The following AOPEP variants were observed in gnomAD, a reference collection of about 807,000 sequenced individuals.
AOPEP encodes the protein aminopeptidase O (putative).
In AOPEP, 77 loss-of-function variants were observed where a neutral mutation model predicts 98.1. The ratio of observed to expected loss-of-function variants is 0.78; its 90% CI spans 0.65 to 0.95. The LOEUF (loss-of-function observed/expected upper bound fraction) is 0.95, where lower values mean the gene tolerates loss of function less well. AOPEP is among the 40% of genes least tolerant of loss of function. The pLI is 0.00. For missense variants in AOPEP, 1,024 were observed against 1,024.7 expected, an observed-to-expected ratio of 1.00 and a Z score of 0.01; for synonymous variants, 346 against 365.3, an observed-to-expected ratio of 0.95 and a Z score of 0.60.
chr9:95,110,644 G>A, the AOPEP span: 2 of 1,045,656 alleles, frequency 1.9e-6, no homozygotes, highest in Non-Finnish European at 2.3e-6. Flanking sequence ...ATCTTTATTA[G>A]TCTGTGTGTT....
intron 3 of AOPEP, among the ~76,000 whole-genome samples, chr9:94,790,421 C>A (rs1427787991): frequency 6.6e-6 from 1 of 152,178 alleles, no homozygotes; most frequent in Non-Finnish European, 1.5e-5. Flanking sequence ...CCTGCCTCTG[C>A]CTCCCAAAGT....
intron 5 of AOPEP, among the ~76,000 whole-genome samples, chr9:94,803,320 T>A (rs1372156496): frequency 6.6e-6 from 1 of 152,238 alleles, no homozygotes; most frequent in East Asian, 1.9e-4. Flanking sequence ...GTCTTAATTA[T>A]AATGAATACC....
chr9:94,917,389 T>C (rs944841760), intron 5 of AOPEP, among the ~76,000 whole-genome samples: 1 of 152,200 alleles, frequency 6.6e-6, no homozygotes, highest in African/African-American at 2.4e-5. Context: ...ATGGTGAAGC[T>C]GGCTACAGTG....
chr9:95,004,116 A>G (rs2061743619), intron 11 of AOPEP: 1 of 404,074 alleles, frequency 2.5e-6, no homozygotes, highest in African/African-American at 2.1e-5. Context: ...TTTTCTTTAA[A>G]GAAATGTGAT....
intron 5 of AOPEP, among the ~76,000 whole-genome samples, chr9:94,914,308 A>G (rs2052487654): frequency 6.6e-6 from 1 of 152,246 alleles, no homozygotes; most frequent in Non-Finnish European, 1.5e-5. Context: ...TGGAGAGCCC[A>G]AGCCCTGTCT....
At chr9:94,899,167 C>T (rs1361438983) in intron 5 of AOPEP, among the ~76,000 whole-genome samples, 1 of 143,628 alleles carries the variant, frequency 7.0e-6, no homozygotes, top group Non-Finnish European at 1.5e-5. Context: ...AGATAATTTG[C>T]CTCTTCATTT....
In AOPEP at chr9:94,787,536, A is replaced by G. The variant is rs367571833; in HGVS notation, c.965-5229A>G. ...AAATCAGGTCAAAAATTCAACGCAA[A>G]TGTAGGGAGAAAGCCTGTTGTGCGT... On this transcript the variant is annotated intron_variant, in intron 3 of 16. Coordinates refer to ENST00000375315, the MANE Select transcript of AOPEP (RefSeq NM_001193329.3). 3.3e-5 allele frequency among the ~76,000 whole-genome samples: 5 copies of G among 152,298 alleles called. No homozygotes were observed. In the East Asian group the frequency reaches 9.6e-4, roughly 29 times the overall value.
chr9:95,107,808 ATTTG>A, the AOPEP span, among the ~76,000 whole-genome samples: 1 of 152,142 alleles, frequency 6.6e-6, no homozygotes, highest in Non-Finnish European at 1.5e-5. Flanking sequence ...ACAAGAACAC[ATTTG>A]TTTTAGATGC....
chr9:94,797,892 A>T (rs1847367639), intron 4 of AOPEP, among the ~76,000 whole-genome samples: 1 of 151,822 alleles, frequency 6.6e-6, no homozygotes, highest in Non-Finnish European at 1.5e-5. Context: ...TTTAGTAGAG[A>T]TGGGTTTTAC....
At chr9:94,855,374 G>A (rs1316397907) in intron 5 of AOPEP, among the ~76,000 whole-genome samples, 1 of 152,160 alleles carries the variant, frequency 6.6e-6, no homozygotes, top group African/African-American at 2.4e-5. Flanking sequence ...CATCAGGCCT[G>A]GCCGTGTTTT....
intron 5 of AOPEP, among the ~76,000 whole-genome samples, chr9:94,890,725 C>T (rs1441552410): frequency 6.6e-6 from 1 of 152,106 alleles, no homozygotes; most frequent in Non-Finnish European, 1.5e-5. Context: ...TTGATCCATG[C>T]ATTATTATGT....
chr9:94,863,197 C>T (rs1588602608), intron 5 of AOPEP, among the ~76,000 whole-genome samples: 1 of 151,990 alleles, frequency 6.6e-6, no homozygotes, highest in South Asian at 2.1e-4. Flanking sequence ...CCATCCTAGC[C>T]TATGATTTCT....
rs751990646 is a variant in AOPEP, at chr9:94,979,376, G to C, written c.1926G>C (p.Leu642=). 6.2e-7 allele frequency: 1 copy of C among 1,601,040 alleles called. No individual in the cohort carries two copies. The highest frequency in any genetic ancestry group is 8.5e-7 in the Non-Finnish European group (1 of 1,171,106). ...ENIPEEKRLE[L]SVENIYQDWL... ...TGTTTTATTTCTAAAGGCTTGAGCTGTCTGTTGAAAACATCTACCAAGACT... is the reference window on the plus strand; with the variant it reads ...TGTTTTATTTCTAAAGGCTTGAGCTCTCTGTTGAAAACATCTACCAAGACT... Residue 642 remains leucine, a synonymous_variant, in exon 11 of 17, where the codon CTG becomes CTC. Coordinates refer to ENST00000375315, the MANE Select transcript of AOPEP (RefSeq NM_001193329.3).
At chr9:95,111,242 G>C in the AOPEP span, 3 of 1,538,342 alleles carry the variant, frequency 2.0e-6, no homozygotes, top group Non-Finnish European at 2.6e-6. Context: ...AGGAGAATGG[G>C]CTGGCAGCGT....
intron 1 of AOPEP, among the ~76,000 whole-genome samples, chr9:94,733,529 G>T (rs760040829): frequency 6.6e-6 from 1 of 152,072 alleles, no homozygotes; most frequent in Non-Finnish European, 1.5e-5. Context: ...ATACCCTTAG[G>T]TTCCTTCTGT....
intron 5 of AOPEP, among the ~76,000 whole-genome samples, chr9:94,833,697 A>G (rs1285845270): frequency 6.6e-6 from 1 of 152,206 alleles, no homozygotes; most frequent in Non-Finnish European, 1.5e-5. Context: ...ATGAGTTCAT[A>G]ATAATAAAAA....
At chr9:94,828,187 C>G (rs982415979) in intron 5 of AOPEP, among the ~76,000 whole-genome samples, 1 of 152,154 alleles carries the variant, frequency 6.6e-6, no homozygotes, top group East Asian at 1.9e-4. Context: ...TGATAGTGTC[C>G]TCTGACGCAC....
chr9:94,750,732 TTTTTC>T lies in AOPEP; in HGVS notation c.-135-8898_-135-8894del, dbSNP rs1383406140. On this transcript the variant is annotated intron_variant, in intron 1 of 16. Transcript: ENST00000375315. ...CGAGCTCATCTCCAAGGTCTGATGATTTTTCTTTTCTTTTCTTTTCTTTCTTTTTT... is the reference window on the plus strand; with the variant it reads ...CGAGCTCATCTCCAAGGTCTGATGATTTTTCTTTTCTTTTCTTTCTTTTTT... Among the ~76,000 whole-genome samples the T allele has an allele frequency of 9.2e-5, 14 of 151,794 alleles. 1 individual carries two copies. Among genetic ancestry groups the T allele is most frequent in the East Asian group, 5.8e-4 (3 of 5,154 alleles).
chr9:94,844,802 T>G, intron 5 of AOPEP, among the ~76,000 whole-genome samples: 1 of 152,174 alleles, frequency 6.6e-6, no homozygotes, highest in African/African-American at 2.4e-5. Context: ...CTAGGGTTGC[T>G]GTGAGACTGG....
Sources: gnomAD v4.1 joint callset for allele counts (sites outside exome capture counted in the v4.1 genomes callset) on GRCh38, gnomAD v4.1.1 for gene constraint, MANE v1.5 for transcripts, NCBI Gene and HGNC (gene_info 2026-07-23, HGNC 2026-07-21) for gene names.